Variants in CLEC6A observed in about 807,000 individuals in gnomAD.
CLEC6A encodes the protein C-type lectin domain containing 6A.
CLEC6A carries 22 observed loss-of-function variants against 25.7 expected under a neutral mutation model. The observed-to-expected ratio is 0.85, with a 90% CI of 0.61 to 1.22. The LOEUF is 1.22. Among genes scored for constraint, CLEC6A ranks in the 50% most tolerant of loss-of-function variants. CLEC6A has a pLI of 0.00. For synonymous variants in CLEC6A, 92 were observed against 76.7 expected (o/e 1.20, Z -1.04); for missense variants, 240 against 236.8 (o/e 1.01, Z -0.09).
intron 4 of CLEC6A, among the ~76,000 whole-genome samples, chr12:8,475,744 A>C (rs1221538705): frequency 6.6e-6 from 1 of 152,102 alleles, no homozygotes; most frequent in Non-Finnish European, 1.5e-5. Flanking sequence ...TCTCATCTGA[A>C]AACACCCTAA....
At chr12:8,477,294 T>G (rs763236088) in intron 5 of CLEC6A, 26 bp from the exon 6 acceptor site, 1 of 1,586,688 alleles carries the variant, frequency 6.3e-7, no homozygotes, top group East Asian at 2.3e-5. Flanking sequence ...TTTGAAGATG[T>G]GTACTACCTT....
chr12:8,471,893 C>G (rs935468387), intron 4 of CLEC6A, among the ~76,000 whole-genome samples: 1 of 152,106 alleles, frequency 6.6e-6, no homozygotes, highest in Non-Finnish European at 1.5e-5. Flanking sequence ...AATCTGCTGA[C>G]AGTTATAGGA....
rs1453171878 is a variant in CLEC6A, at chr12:8,459,710, A to G, written c.223+12A>G. On this transcript the variant is annotated intron_variant, in intron 3 of 5. Coordinates refer to ENST00000382073, the MANE Select transcript of CLEC6A (RefSeq NM_001007033.2). ...GACAAAGGTGCCAGGTAAATCTTTAAAATACTGAAATAGACTTTCTTTTTT... is the reference window on the plus strand; with the variant it reads ...GACAAAGGTGCCAGGTAAATCTTTAGAATACTGAAATAGACTTTCTTTTTT... 3 of 1,519,946 alleles carry G rather than the reference A, an allele frequency of 2.0e-6. No individual in the cohort carries two copies. Among genetic ancestry groups the G allele is most frequent in the Non-Finnish European group, 2.7e-6 (3 of 1,094,324 alleles). 94.2% of individuals were successfully genotyped at this position (1,519,946 alleles called of 1,614,324 possible).
intron 3 of CLEC6A, chr12:8,461,198 TG>T: frequency 3.1e-6 from 3 of 970,342 alleles, no homozygotes; most frequent in South Asian, 1.3e-5. Context: ...GATTGGAGAA[TG>T]TGCAATACTC....
chr12:8,465,213 A>T (rs1212232766), intron 3 of CLEC6A, among the ~76,000 whole-genome samples: 1 of 149,650 alleles, frequency 6.7e-6, no homozygotes, highest in African/African-American at 2.5e-5. Flanking sequence ...ATAATGTATA[A>T]GGGACATGAA....
At chr12:8,457,030 A>T (rs1475840223) in intron 1 of CLEC6A, among the ~76,000 whole-genome samples, 1 of 151,996 alleles carries the variant, frequency 6.6e-6, no homozygotes, top group African/African-American at 2.4e-5. Flanking sequence ...GAATCACTTG[A>T]ACCCAGGAGG....
chr12:8,459,495 C>A, intron 2 of CLEC6A, 102 bp from the exon 3 acceptor site: 2 of 690,758 alleles, frequency 2.9e-6, no homozygotes, highest in Non-Finnish European at 5.3e-6. Context: ...CCTAGAGAAA[C>A]AGCAGTGGGG....
intron 3 of CLEC6A, among the ~76,000 whole-genome samples, chr12:8,461,686 A>G (rs1033080087): frequency 4.6e-5 from 7 of 152,156 alleles, no homozygotes; most frequent in Non-Finnish European, 8.8e-5. Flanking sequence ...AAAAATAAAA[A>G]TAAAAGTCCA....
intron 2 of CLEC6A, among the ~76,000 whole-genome samples, 166 bp from the exon 3 acceptor site, chr12:8,459,431 T>A (rs1038570470): frequency 6.6e-6 from 1 of 151,980 alleles, no homozygotes; most frequent in African/African-American, 2.4e-5. Flanking sequence ...TATAAAAAAA[T>A]AAGATAAGTG....
At chr12:8,456,273 TGAAA>T in intron 1 of CLEC6A, 131 bp downstream of exon 1, 2 of 820,732 alleles carry the variant, frequency 2.4e-6, no homozygotes, top group Admixed American at 5.0e-5. Flanking sequence ...CAAAGGAATT[TGAAA>T]GAAAGAGTAA....
intron 1 of CLEC6A, among the ~76,000 whole-genome samples, chr12:8,456,731 A>G (rs1025700529): frequency 6.6e-6 from 1 of 152,210 alleles, no homozygotes. Flanking sequence ...GGAAAATTAC[A>G]TTATCCATCA....
In CLEC6A at chr12:8,477,404, T is replaced by C. The variant is rs1939990439; in HGVS notation, c.570T>C (p.Asn190=). ...GGAAACCTACAGGATGGGGCTGGAA[T>C]GATGTTATCTGTGAAACTAGAAGGA... is the stretch of plus-strand genomic sequence containing the variant. ...VFWKPTGWGW[N]DVICETRRNS... Residue 190 remains asparagine, a synonymous_variant, in exon 6 of 6, where the codon AAT becomes AAC. Transcript: ENST00000382073. 2 of 1,611,750 alleles carry C rather than the reference T, an allele frequency of 1.2e-6. No individual in the cohort carries two copies. The highest frequency in any genetic ancestry group is 1.7e-6 in the Non-Finnish European group (2 of 1,178,548).
rs755068526 is a variant in CLEC6A, at chr12:8,476,235, T to C, written c.480T>C (p.Asn160=). Residue 160 remains asparagine (N), a synonymous_variant, in exon 5 of 6, where the codon AAT becomes AAC. Coordinates refer to ENST00000382073, the MANE Select transcript of CLEC6A (RefSeq NM_001007033.2). ...TTGATAAGACACCTTATGAGAAAAATGTCAGGTGAGTGCAGTTCTGGGGCC... is the reference window on the plus strand; with the variant it reads ...TTGATAAGACACCTTATGAGAAAAACGTCAGGTGAGTGCAGTTCTGGGGCC... ...QWIDKTPYEK[N]VRFWHLGEPN... is the part of the protein sequence containing the mutation. The C allele has an allele frequency of 1.9e-5, 30 of 1,586,358 alleles. 1 individual carries two copies. Among genetic ancestry groups the C allele is most frequent in the Middle Eastern group, 3.3e-4 (2 of 6,054 alleles).
chr12:8,470,384 A>G (rs867485748), intron 4 of CLEC6A, among the ~76,000 whole-genome samples: 3 of 152,136 alleles, frequency 2.0e-5, no homozygotes, highest in African/African-American at 7.2e-5. Flanking sequence ...GGATTCCTTA[A>G]AGAACTAAAA....
At chr12:8,476,573 CTAAT>C (rs963524180) in intron 5 of CLEC6A, among the ~76,000 whole-genome samples, 5 of 151,952 alleles carry the variant, frequency 3.3e-5, no homozygotes, top group African/African-American at 1.2e-4. Context: ...AAACTGATCT[CTAAT>C]TAATAAAACT....
At chr12:8,456,258 AG>A in intron 1 of CLEC6A, 116 bp downstream of exon 1, 1 of 939,748 alleles carries the variant, frequency 1.1e-6, no homozygotes, top group Non-Finnish European at 1.7e-6. Flanking sequence ...CCAATATAGT[AG>A]ACTCAAAGGA....
chr12:8,458,779 AAC>A (rs1400781881), intron 2 of CLEC6A, among the ~76,000 whole-genome samples: 1 of 152,192 alleles, frequency 6.6e-6, no homozygotes, highest in Non-Finnish European at 1.5e-5. Flanking sequence ...CATAAAAAGA[AAC>A]ACAAATTCAG....
intron 3 of CLEC6A, chr12:8,460,488 C>T: frequency 1.7e-6 from 1 of 604,514 alleles, no homozygotes; most frequent in Admixed American, 2.9e-5. Flanking sequence ...CCTCTCACAG[C>T]ACGTGGGAAT....
intron 3 of CLEC6A, 48 bp downstream of exon 3, chr12:8,459,746 G>C (rs749562245): frequency 8.6e-7 from 1 of 1,168,360 alleles, no homozygotes; most frequent in East Asian, 2.3e-5. Flanking sequence ...CTCAGGGAGA[G>C]ATCAGGGTTG....
Sources: allele counts gnomAD v4.1 joint callset (sites outside exome capture counted in the v4.1 genomes callset), GRCh38; gene constraint gnomAD v4.1.1; transcripts MANE v1.5; gene names NCBI Gene and HGNC (gene_info 2026-07-23, HGNC 2026-07-21).